The following TTC39C variants were observed in gnomAD, a reference collection of about 807,000 sequenced individuals.
TTC39C encodes the protein tetratricopeptide repeat protein 39C.
A neutral mutation model predicts 76.3 loss-of-function variants in TTC39C; 33 were observed. That is an observed-to-expected ratio of 0.43 (90% CI 0.33 to 0.58). The LOEUF (loss-of-function observed/expected upper bound fraction) is 0.58. Ranked by LOEUF, TTC39C falls within the 20% of genes least tolerant of loss-of-function variation. The pLI is 0.04. For synonymous variants in TTC39C, 254 were observed against 260.6 expected (o/e 0.97, Z 0.24); for missense variants, 595 against 701.4 (o/e 0.85, Z 1.71).
intron 1 of TTC39C, among the ~76,000 whole-genome samples, chr18:24,061,619 G>A (rs1295427578): frequency 3.8e-5 from 5 of 132,950 alleles, no homozygotes; most frequent in South Asian, 2.4e-4. Flanking sequence ...AAAAAAAAGC[G>A]TGGGCTGGGT....
At chr18:24,072,858 C>A (rs1195109855) in intron 4 of TTC39C, among the ~76,000 whole-genome samples, 1 of 152,198 alleles carries the variant, frequency 6.6e-6, no homozygotes, top group African/African-American at 2.4e-5. Context: ...GTCTTTCTCA[C>A]CTTTGTATTC....
chr18:24,028,801 C>T (rs568506507), intron 1 of TTC39C, among the ~76,000 whole-genome samples: 1 of 152,048 alleles, frequency 6.6e-6, no homozygotes, highest in East Asian at 1.9e-4. Context: ...CGGCTCACTG[C>T]AACCTCTGCT....
At chr18:24,122,532 T>G in intron 8 of TTC39C, among the ~76,000 whole-genome samples, 1 of 125,184 alleles carries the variant, frequency 8.0e-6, no homozygotes, top group African/African-American at 3.0e-5. Flanking sequence ...AAGAGGGAAC[T>G]AGCAAGTCAA....
intron 6 of TTC39C, among the ~76,000 whole-genome samples, chr18:24,086,109 G>A (rs1295545543): frequency 2.0e-5 from 3 of 152,116 alleles, no homozygotes; most frequent in African/African-American, 4.8e-5. Context: ...CAATGAATTT[G>A]CTTACAAAGA....
At chr18:23,998,887 C>T (rs528194337) in intron 1 of TTC39C, among the ~76,000 whole-genome samples, 1 of 152,238 alleles carries the variant, frequency 6.6e-6, no homozygotes, top group South Asian at 2.1e-4. Context: ...TGCTCGGGAA[C>T]CTGTCATTAT....
At chr18:24,102,458 C>T (rs1301239113) in intron 6 of TTC39C, among the ~76,000 whole-genome samples, 2 of 152,078 alleles carry the variant, frequency 1.3e-5, no homozygotes, top group Admixed American at 6.5e-5. Flanking sequence ...ACATGGAATT[C>T]GGTTATGAAG....
At chr18:24,105,971 C>T (rs964344180) in intron 6 of TTC39C, among the ~76,000 whole-genome samples, 3 of 152,262 alleles carry the variant, frequency 2.0e-5, no homozygotes, top group Admixed American at 1.3e-4. Flanking sequence ...GGAAGTGTCA[C>T]CCCCATCTCT....
rs1322141741 is a variant in TTC39C, at chr18:24,133,207, A to C, written c.*633A>C. 4 of 152,212 alleles carry C rather than the reference A, an allele frequency of 2.6e-5. No homozygotes were observed. Among genetic ancestry groups the C allele is most frequent in the African/African-American group, 9.7e-5 (4 of 41,444 alleles). The allele number at this position is 152,212 out of a possible 1,614,324, so 9.4% of individuals were successfully genotyped here. On this transcript the variant is annotated 3_prime_UTR_variant, in exon 14 of 14. Coordinates refer to ENST00000317571, the MANE Select transcript of TTC39C (RefSeq NM_001135993.2). ...TGACCACCAACTGACTTTTATTGTA[A>C]AAATAATTCATGTTAATAGGCCAGA...
intron 1 of TTC39C, among the ~76,000 whole-genome samples, chr18:24,058,651 A>C (rs1332940327): frequency 6.6e-6 from 1 of 152,178 alleles, no homozygotes; most frequent in Non-Finnish European, 1.5e-5. Flanking sequence ...CTGTCTCAAA[A>C]AAAAAATCAT....
At position 24,024,892 on chromosome 18, in the gene TTC39C, A is replaced by G. The variant is rs534282933; in HGVS notation, c.167+9854A>G. On this transcript the variant is annotated intron_variant, in intron 1 of 13. Transcript: ENST00000317571. Reference sequence around the variant, plus strand: ...TGTTTGTTTTTGTTTGTTTGTTTTGACAGTCTCACTGTATCTCCCAGGCTG... The same window carrying G: ...TGTTTGTTTTTGTTTGTTTGTTTTGGCAGTCTCACTGTATCTCCCAGGCTG... Among the ~76,000 whole-genome samples the G allele has an allele frequency of 3.3e-5, 5 of 152,330 alleles. No homozygotes were observed. The South Asian group carries it at 6.2e-4, about 19-fold the overall frequency.
At chr18:24,120,239 G>T (rs569865859) in intron 8 of TTC39C, among the ~76,000 whole-genome samples, 95 of 152,156 alleles carry the variant, frequency 6.2e-4, no homozygotes, top group African/African-American at 2.2e-3. Flanking sequence ...AGTCCCAGCT[G>T]CTTGGGAGGC....
intron 7 of TTC39C, among the ~76,000 whole-genome samples, chr18:24,116,059 C>T (rs1306247051): frequency 1.3e-5 from 2 of 152,206 alleles, no homozygotes; most frequent in Non-Finnish European, 2.9e-5. Context: ...CCGATTCAGG[C>T]TCGGAAGCTT....
chr18:24,006,786 T>C (rs1470961399), intron 1 of TTC39C, among the ~76,000 whole-genome samples: 1 of 152,184 alleles, frequency 6.6e-6, no homozygotes, highest in East Asian at 1.9e-4. Flanking sequence ...CAGGAATAAA[T>C]GGATTCTGAC....
chr18:24,060,322 T>G (rs1166765923), intron 1 of TTC39C, among the ~76,000 whole-genome samples: 2 of 143,330 alleles, frequency 1.4e-5, no homozygotes, highest in South Asian at 2.3e-4. Flanking sequence ...TGTTTTTTTT[T>G]TTTTTTTTTT....
In TTC39C at chr18:24,077,097, C is replaced by G. The variant is rs1453362202; in HGVS notation, c.461-3488C>G. The G allele has an allele frequency of 2.0e-5, 3 of 152,238 alleles. No homozygotes were observed. The East Asian group carries it at 5.8e-4, about 29-fold the overall frequency. 9.4% of individuals were successfully genotyped at this position (152,238 alleles called of 1,614,324 possible). On this transcript the variant is annotated intron_variant, in intron 4 of 13. Coordinates refer to ENST00000317571, the MANE Select transcript of TTC39C (RefSeq NM_001135993.2). ...TCTCCGGGAGCAGGTGTTCACTCCT[C>G]TGTTGGGCTTGCACCCTTTTGTCCC... is the stretch of plus-strand genomic sequence containing the variant.
At chr18:24,112,822 A>G (rs971506554) in intron 6 of TTC39C, among the ~76,000 whole-genome samples, 4 of 152,354 alleles carry the variant, frequency 2.6e-5, no homozygotes. Flanking sequence ...CTGTATAAAT[A>G]TGCTAAATGG....
At chr18:24,119,678 C>G (rs1433124580) in intron 8 of TTC39C, among the ~76,000 whole-genome samples, 1 of 152,120 alleles carries the variant, frequency 6.6e-6, no homozygotes, top group African/African-American at 2.4e-5. Flanking sequence ...TTTTCATATA[C>G]TGGATAATAT....
At chr18:24,041,404 TGGGTG>T (rs2083790647) in intron 1 of TTC39C, among the ~76,000 whole-genome samples, 3 of 152,136 alleles carry the variant, frequency 2.0e-5, no homozygotes, top group Admixed American at 2.0e-4. Context: ...CTCTAGTGGG[TGGGTG>T]GGTAGCAGAG....
chr18:24,007,761 G>T (rs2083365603), intron 1 of TTC39C, among the ~76,000 whole-genome samples: 1 of 152,164 alleles, frequency 6.6e-6, no homozygotes. Context: ...AACATGTATT[G>T]TTTATATTCG....
Sources: allele counts gnomAD v4.1 joint callset (sites outside exome capture counted in the v4.1 genomes callset), GRCh38; gene constraint gnomAD v4.1.1; transcripts MANE v1.5; gene names NCBI Gene and HGNC (gene_info 2026-07-23, HGNC 2026-07-21).